ATP2B2: variants seen among roughly 807,000 people sequenced by gnomAD.
ATP2B2 encodes plasma membrane calcium-transporting ATPase 2.
Under a neutral mutation model 120.0 loss-of-function variants are expected in ATP2B2, and 15 were observed. The observed-to-expected ratio is 0.12, with a 90% CI of 0.08 to 0.19. The LOEUF is 0.19. ATP2B2 is among the 10% of genes least tolerant of loss of function. The probability of loss-of-function intolerance (pLI) is 1.00; values close to 1 mark genes in which losing one functional copy is unlikely to be tolerated. For synonymous variants in ATP2B2, 694 were observed against 700.3 expected (o/e 0.99, Z 0.14); for missense variants, 1,045 against 1,719.8 (o/e 0.61, Z 6.94).
In ATP2B2 at chr3:10,491,426, A is replaced by T. The variant is rs972480038; in HGVS notation, c.-320+14039T>A. 5.3e-5 allele frequency among the ~76,000 whole-genome samples: 8 copies of T among 152,226 alleles called. 1 individual carries two copies. The highest frequency in any genetic ancestry group is 2.6e-4 in the Admixed American group (4 of 15,296). ...TTTTTAGTAGAGACGGGGTTTCACCATATTGGCCAGGCTGGTATGGAATTC... is the reference window on the plus strand; with the variant it reads ...TTTTTAGTAGAGACGGGGTTTCACCTTATTGGCCAGGCTGGTATGGAATTC... On this transcript the variant is annotated intron_variant, in intron 1 of 22. Coordinates refer to ENST00000360273, the MANE Select transcript of ATP2B2 (RefSeq NM_001001331.4).
At chr3:10,675,950 C>T (rs1487538272) in intron 1 of ATP2B2, among the ~76,000 whole-genome samples, 2 of 152,218 alleles carry the variant, frequency 1.3e-5, no homozygotes, top group Non-Finnish European at 2.9e-5. Flanking sequence ...GTTCATTCCC[C>T]ACTGCTCTCT....
chr3:10,607,648 G>A (rs965461395), intron 2 of ATP2B2, among the ~76,000 whole-genome samples: 3 of 152,164 alleles, frequency 2.0e-5, no homozygotes, highest in African/African-American at 7.2e-5. Flanking sequence ...CTAGGGACAT[G>A]GCATCCACTT....
At position 10,415,891 on chromosome 3, in the gene ATP2B2, A is replaced by G. The variant is rs143219112; in HGVS notation, c.200-5076T>C. 2.5e-4 allele frequency among the ~76,000 whole-genome samples: 38 copies of G among 152,344 alleles called. 1 individual carries two copies. Among genetic ancestry groups the G allele is most frequent in the African/African-American group, 7.9e-4 (33 of 41,576 alleles). On this transcript the variant is annotated intron_variant, in intron 2 of 22. Transcript: ENST00000360273. ...TCAATTTTCTTTCTGTGTAATTATA[A>G]GCAGAGGTCAGAGCACTAGAGGAGG...
chr3:10,691,442 G>A (rs907449286), intron 1 of ATP2B2, among the ~76,000 whole-genome samples: 1 of 152,160 alleles, frequency 6.6e-6, no homozygotes, highest in Non-Finnish European at 1.5e-5. Context: ...TCCTGGAGGG[G>A]CCTGAGGTCC....
chr3:10,553,519 G>C (rs113886454), intron 2 of ATP2B2, among the ~76,000 whole-genome samples: 52 of 152,288 alleles, frequency 3.4e-4, no homozygotes, highest in African/African-American at 1.2e-3. Context: ...TAATAGTCTT[G>C]ATAAAATGGA....
intron 12 of ATP2B2, among the ~76,000 whole-genome samples, chr3:10,361,885 G>C (rs1464321366): frequency 6.6e-6 from 1 of 152,240 alleles, no homozygotes; most frequent in African/African-American, 2.4e-5. Context: ...GCTTAATGCA[G>C]ACCAGAGTGG....
At chr3:10,690,044 A>G (rs1001739411) in intron 1 of ATP2B2, among the ~76,000 whole-genome samples, 2 of 152,248 alleles carry the variant, frequency 1.3e-5, no homozygotes, top group Non-Finnish European at 2.9e-5. Context: ...CCCCACATGC[A>G]GAGGACTCTG....
At chr3:10,546,356 G>A (rs2067546401) in intron 2 of ATP2B2, among the ~76,000 whole-genome samples, 1 of 152,148 alleles carries the variant, frequency 6.6e-6, no homozygotes, top group Admixed American at 6.5e-5. Flanking sequence ...CCCTACAAAT[G>A]ATGCCTGTGT....
rs2060229616 is a variant in ATP2B2, at chr3:10,340,015, A to G, written c.3237+227T>C. 6.6e-6 allele frequency among the ~76,000 whole-genome samples: 1 copy of G among 152,276 alleles called. No homozygotes were observed. Reference sequence around the variant, plus strand: ...TGACGTGATTGAGAGAAAATATTACATAAACAACAGGAGCAGTGGTAGATA... The same window carrying G: ...TGACGTGATTGAGAGAAAATATTACGTAAACAACAGGAGCAGTGGTAGATA... On this transcript the variant is annotated intron_variant, in intron 21 of 22. Coordinates refer to ENST00000360273, the MANE Select transcript of ATP2B2 (RefSeq NM_001001331.4). The surrounding 1 kb of genome is among the most constrained non-coding windows in gnomAD (Gnocchi z 5.0).
intron 22 of ATP2B2, among the ~76,000 whole-genome samples, chr3:10,333,319 G>A (rs908353376): frequency 6.6e-6 from 1 of 152,146 alleles, no homozygotes; most frequent in African/African-American, 2.4e-5. Context: ...CTGGTGGGGT[G>A]CGGTGGGGGT....
intron 2 of ATP2B2, among the ~76,000 whole-genome samples, chr3:10,562,532 G>A (rs2067926167): frequency 6.6e-6 from 1 of 152,142 alleles, no homozygotes; most frequent in South Asian, 2.1e-4. Flanking sequence ...CTGGATATCT[G>A]ATTCCCTGAA....
At chr3:10,558,053 A>G (rs1398900809) in intron 2 of ATP2B2, among the ~76,000 whole-genome samples, 2 of 152,212 alleles carry the variant, frequency 1.3e-5, no homozygotes, top group African/African-American at 4.8e-5. Context: ...TAAGCTCCCA[A>G]GCAGACTGAA....
At chr3:10,562,935 C>T (rs1221899336) in intron 2 of ATP2B2, among the ~76,000 whole-genome samples, 9 of 152,196 alleles carry the variant, frequency 5.9e-5, no homozygotes. Flanking sequence ...TGCTAGGAAA[C>T]TCAAAACCAA....
chr3:10,330,312 C>T (rs1285192427), intron 22 of ATP2B2: 1 of 154,330 alleles, frequency 6.5e-6, no homozygotes, highest in Non-Finnish European at 1.5e-5. Flanking sequence ...TCTGCCACAT[C>T]TGGTGCCTTG....
At chr3:10,586,994 A>G (rs144473516) in intron 2 of ATP2B2, among the ~76,000 whole-genome samples, 1 of 152,230 alleles carries the variant, frequency 6.6e-6, no homozygotes, top group East Asian at 1.9e-4. Flanking sequence ...TCACACACTT[A>G]GCACCACCAG....
At chr3:10,653,621 C>G (rs542894946) in intron 1 of ATP2B2, among the ~76,000 whole-genome samples, 33 of 152,224 alleles carry the variant, frequency 2.2e-4, no homozygotes, top group Non-Finnish European at 4.3e-4. Context: ...TTCTTAGCCT[C>G]AATAACAGCA....
chr3:10,544,105 G>C (rs1050567370), intron 2 of ATP2B2, among the ~76,000 whole-genome samples: 1 of 152,060 alleles, frequency 6.6e-6, no homozygotes, highest in Non-Finnish European at 1.5e-5. Context: ...TGCTGATTTA[G>C]GTCAGCATTT....
rs532475946 is a variant in ATP2B2 at position 10,472,052 on chromosome 3, G to A, written c.-319-22190C>T. 1.6e-3 allele frequency among the ~76,000 whole-genome samples: 214 copies of A among 137,904 alleles called. 2 individuals carry two copies. Among genetic ancestry groups the A allele is most frequent in the African/African-American group, 2.4e-3 (89 of 36,468 alleles). The allele number at this position is 137,904 out of a possible 152,430, so 90.5% of individuals were successfully genotyped here. The stretch of plus-strand genomic sequence containing the variant: ...GCCGAGATTGCGCCACTGCACTCCC[G>A]CCTGGGCCACAGAGCGAGACTCCGT... On this transcript the variant is annotated intron_variant, in intron 1 of 22. Transcript: ENST00000360273.
rs114570591 is a variant in ATP2B2 at position 10,409,357 on chromosome 3, T to C, written c.397+1261A>G. 4.3e-3 allele frequency among the ~76,000 whole-genome samples: 657 copies of C among 152,338 alleles called. 5 individuals carry two copies. Among genetic ancestry groups the C allele is most frequent in the African/African-American group, 0.015 (616 of 41,584 alleles). ...AAATCTACCTTTTAGTTTTTAATTT[T>C]ATTTTTCATTTTAAAATTTTTGTTT... On this transcript the variant is annotated intron_variant, in intron 3 of 22. Transcript: ENST00000360273.
Sources: allele counts gnomAD v4.1 joint callset (sites outside exome capture counted in the v4.1 genomes callset), GRCh38; gene constraint gnomAD v4.1.1; non-coding constraint Gnocchi (gnomAD v3.1); transcripts MANE v1.5; gene names NCBI Gene and HGNC (gene_info 2026-07-23, HGNC 2026-07-21).